The following LIPE variants were observed in gnomAD, a reference collection of about 807,000 sequenced individuals.
LIPE encodes lipase E, hormone sensitive type, also known as hormone-sensitive lipase.
A neutral mutation model predicts 88.5 loss-of-function variants in LIPE; 66 were observed. That is an observed-to-expected ratio of 0.75 (90% CI 0.61 to 0.91). The LOEUF (loss-of-function observed/expected upper bound fraction) is 0.91. Ranked by LOEUF, LIPE falls within the 40% of genes least tolerant of loss-of-function variation. The probability of loss-of-function intolerance (pLI) is 0.00; values close to 1 mark genes in which losing one functional copy is unlikely to be tolerated. For missense variants in LIPE, 1,346 were observed against 1,434.7 expected, an observed-to-expected ratio of 0.94 and a Z score of 1.00; for synonymous variants, 570 against 617.5, an observed-to-expected ratio of 0.92 and a Z score of 1.14.
chr19:42,406,391 G>A lies in LIPE; in HGVS notation c.2138-3C>T, dbSNP rs1467909494. The stretch of plus-strand genomic sequence containing the variant: ...GCAGATTCGTTCCCCTGTTGAGCCT[G>A]GTTTGGGAGAGGGGTGGTTGGTGAC... On this transcript the variant is annotated splice_polypyrimidine_tract_variant and splice_region_variant and intron_variant, in intron 6 of 9. Coordinates refer to ENST00000244289, the MANE Select transcript of LIPE (RefSeq NM_005357.4). The surrounding 1 kb of genome is among the most constrained non-coding windows in gnomAD (Gnocchi z 5.7). 8 of 1,609,806 alleles carry A rather than the reference G, an allele frequency of 5.0e-6. No individual in the cohort carries two copies. The African/African-American group carries it at 1.1e-4, about 22-fold the overall frequency.
intron 1 of LIPE, among the ~76,000 whole-genome samples, chr19:42,418,014 C>T (rs1261006521): frequency 6.6e-6 from 1 of 150,604 alleles, no homozygotes; most frequent in Non-Finnish European, 1.5e-5. Flanking sequence ...ACAAGTTTCG[C>T]TCTTGTTGCC....
rs1374931995 is a variant in LIPE, at chr19:42,409,772, C to A, written c.1419+535G>T. Among the ~76,000 whole-genome samples the A allele has an allele frequency of 7.9e-5, 12 of 152,254 alleles. No homozygotes were observed. In the East Asian group the frequency reaches 2.1e-3, roughly 27 times the overall value. ...TGGGACACAGGGAGGAGCTGGCTGG[C>A]CCAGCTGGGCTGATCAATACTTGTG... is the stretch of plus-strand genomic sequence containing the variant. On this transcript the variant is annotated intron_variant, in intron 2 of 9. Coordinates refer to ENST00000244289, the MANE Select transcript of LIPE (RefSeq NM_005357.4).
At chr19:42,402,224 A>C in intron 9 of LIPE, 149 bp from the exon 10 acceptor site, 3 of 722,604 alleles carry the variant, frequency 4.2e-6, no homozygotes, top group Non-Finnish European at 6.3e-6. Context: ...GTGGGTGAGG[A>C]GTTGGGGAGA....
rs1225876839 is a variant in LIPE at position 42,408,376 on chromosome 19, G to T, written c.1420-54C>A. 9.7e-6 allele frequency: 14 copies of T among 1,448,208 alleles called. No individual in the cohort carries two copies. The South Asian group carries it at 1.6e-4, about 17-fold the overall frequency. The allele number at this position is 1,448,208 out of a possible 1,614,324, so 89.7% of individuals were successfully genotyped here. On this transcript the variant is annotated intron_variant, in intron 2 of 9. Coordinates refer to ENST00000244289, the MANE Select transcript of LIPE (RefSeq NM_005357.4). This position sits in a 1 kb window ranked among gnomAD's most constrained non-coding sequence, Gnocchi z 4.3. ...CCGCTCAAGAGAGGGATGGGGACAG[G>T]GCAGGAGCGAGGCACAGGGATGTGC...
intron 9 of LIPE, 88 bp downstream of exon 9, chr19:42,402,519 C>G (rs1600100212): frequency 8.1e-7 from 1 of 1,240,186 alleles, no homozygotes; most frequent in East Asian, 2.7e-5. Context: ...AGCTCTTTTT[C>G]CCAGGTGTAC....
Position 42,407,537 on chromosome 19 carries a change from G to A in LIPE, c.1842+69C>T. On this transcript the variant is annotated intron_variant, in intron 5 of 9. Coordinates refer to ENST00000244289, the MANE Select transcript of LIPE (RefSeq NM_005357.4). The surrounding 1 kb of genome is among the most constrained non-coding windows in gnomAD (Gnocchi z 5.8). ...GGCCAGGGCTGCACCCCTCCATGGG[G>A]ATGCCAAGGTGGGGGCTGCCCACGC... is the stretch of plus-strand genomic sequence containing the variant. The A allele has an allele frequency of 6.3e-7, 1 of 1,576,186 alleles. No individual in the cohort carries two copies. The highest frequency in any genetic ancestry group is 8.6e-7 in the Non-Finnish European group (1 of 1,157,328).
At position 42,414,880 on chromosome 19, in the gene LIPE, C is replaced by A. The variant is rs1315949858; in HGVS notation, c.884-4038G>T. On this transcript the variant is annotated intron_variant, in intron 1 of 9. Coordinates refer to ENST00000244289, the MANE Select transcript of LIPE (RefSeq NM_005357.4). This position sits in a 1 kb window ranked among gnomAD's most constrained non-coding sequence, Gnocchi z 4.6. ...ATTAATGCTGTGTGTGTTCTGACTGCTCCACTGACCAGCCATTTCCCCCAT... is the reference window on the plus strand; with the variant it reads ...ATTAATGCTGTGTGTGTTCTGACTGATCCACTGACCAGCCATTTCCCCCAT... 2.6e-5 allele frequency among the ~76,000 whole-genome samples: 4 copies of A among 152,232 alleles called. No homozygotes were observed. Among genetic ancestry groups the A allele is most frequent in the Non-Finnish European group, 5.9e-5 (4 of 68,044 alleles).
chr19:42,417,862 A>T (rs1398618297), intron 1 of LIPE, among the ~76,000 whole-genome samples: 3 of 152,202 alleles, frequency 2.0e-5, no homozygotes, highest in African/African-American at 7.2e-5. Context: ...TCTACAAAAA[A>T]TAAATAAAAA....
intron 9 of LIPE, 70 bp from the exon 10 acceptor site, chr19:42,402,145 G>T (rs2039998003): frequency 7.3e-7 from 1 of 1,376,880 alleles, no homozygotes; most frequent in South Asian, 1.6e-5. Flanking sequence ...GTAGAGCGAG[G>T]AGGGGTTTGA....
At chr19:42,423,549 G>A in intron 1 of LIPE, 4 of 1,241,482 alleles carry the variant, frequency 3.2e-6, no homozygotes, top group Non-Finnish European at 4.1e-6. Context: ...ATTCCCCGCG[G>A]TCCTCCCGCG....
At position 42,408,320 on chromosome 19, in the gene LIPE, G is replaced by T. The variant is rs779464089; in HGVS notation, c.1422C>A (p.Phe474Leu). 3 of 1,613,836 alleles carry T rather than the reference G, an allele frequency of 1.9e-6. No individual in the cohort carries two copies. In the East Asian group the frequency reaches 6.7e-5, roughly 36 times the overall value. The change falls in exon 3 of 10, where the codon TTC (phenylalanine) becomes TTA (leucine). Residue 474 changes from phenylalanine to leucine, a missense_variant and splice_region_variant. By Grantham distance (22) the Phe-to-Leu change is conservative (BLOSUM62 0). Coordinates refer to ENST00000244289, the MANE Select transcript of LIPE (RefSeq NM_005357.4). This position sits in a 1 kb window ranked among gnomAD's most constrained non-coding sequence, Gnocchi z 4.3. ...GCAGGAATGGCCGGATGGCAGGCGT[G>T]AACTGTGGAGAGACGCGGCTGCGTC... Reference protein sequence around the residue: ...CFYGRCLGFQFTPAIRPFLQT... With the variant: ...CFYGRCLGFQLTPAIRPFLQT...
Position 42,401,666 on chromosome 19 carries a change from C to T in LIPE, c.*146G>A, listed in dbSNP as rs1322486538. On this transcript the variant is annotated 3_prime_UTR_variant, in exon 10 of 10. Coordinates refer to ENST00000244289, the MANE Select transcript of LIPE (RefSeq NM_005357.4). Reference sequence around the variant, plus strand: ...GTGACCGGTGTGTGTGCGCGTCCCCCTCCCCGTGGCGAGGGTCTCAGCTTT... The same window carrying T: ...GTGACCGGTGTGTGTGCGCGTCCCCTTCCCCGTGGCGAGGGTCTCAGCTTT... The T allele has an allele frequency of 1.6e-6, 1 of 607,372 alleles. No homozygotes were observed. The highest frequency in any genetic ancestry group is 2.0e-5 in the African/African-American group (1 of 50,536). 37.6% of individuals were successfully genotyped at this position (607,372 alleles called of 1,614,324 possible). A position where few individuals can be genotyped will look rare whatever the true frequency, so the allele number is the denominator to read the frequency against.
chr19:42,417,509 C>T (rs910836004), intron 1 of LIPE, among the ~76,000 whole-genome samples: 2 of 152,070 alleles, frequency 1.3e-5, no homozygotes, highest in Non-Finnish European at 2.9e-5. Flanking sequence ...AAGAGATCCT[C>T]CTGCCTTGGC....
intron 8 of LIPE, among the ~76,000 whole-genome samples, chr19:42,404,103 T>C (rs1290909620): frequency 6.6e-6 from 1 of 150,866 alleles, no homozygotes; most frequent in Non-Finnish European, 1.5e-5. Context: ...CTTGCTCTGT[T>C]GCCCAGGCTG....
At position 42,406,324 on chromosome 19, in the gene LIPE, C is replaced by T. The variant is rs749980797; in HGVS notation, c.2202G>A (p.Val734=). 2.5e-6 allele frequency: 4 copies of T among 1,614,166 alleles called. No individual in the cohort carries two copies. In the South Asian group the frequency reaches 3.3e-5, roughly 13 times the overall value. Residue 734 remains valine (V), a synonymous_variant, in exon 7 of 10, where the codon GTG becomes GTA. Coordinates refer to ENST00000244289, the MANE Select transcript of LIPE (RefSeq NM_005357.4). This position sits in a 1 kb window ranked among gnomAD's most constrained non-coding sequence, Gnocchi z 5.7. ...DSAGGNLCFT[V]ALRAAAYGVR... is the part of the protein sequence containing the mutation. ...CCCCGTAGGCTGCTGCCCGAAGAGC[C>T]ACGGTGAAGCAGAGGTTCCCGCCTG...
At position 42,401,834 on chromosome 19, in the gene LIPE, C is replaced by T; in HGVS notation, c.3209G>A (p.Gly1070Glu). 6 of 1,497,010 alleles carry T rather than the reference C, an allele frequency of 4.0e-6. No homozygotes were observed. The highest frequency in any genetic ancestry group is 5.3e-6 in the Non-Finnish European group (6 of 1,126,336). 92.7% of individuals were successfully genotyped at this position (1,497,010 alleles called of 1,614,324 possible). ...CTTTTAGTGTCGCCCCCCGCAGCCC[C>T]CGTCTACCCCCGCAGCCCCCGTCTC... ...SGETGAAGVD[G>E]GCGGRH is the part of the protein sequence containing the mutation. The change falls in exon 10 of 10, where the codon GGG becomes GAG. Residue 1070 changes from glycine (G) to glutamate (E), a missense_variant. Coordinates refer to ENST00000244289, the MANE Select transcript of LIPE (RefSeq NM_005357.4).
chr19:42,423,260 T>G, intron 1 of LIPE: 1 of 421,946 alleles, frequency 2.4e-6, no homozygotes. Flanking sequence ...CATCACCCCC[T>G]TCTCACAATG....
At position 42,414,846 on chromosome 19, in the gene LIPE, A is replaced by C. The variant is rs145166842; in HGVS notation, c.884-4004T>G. On this transcript the variant is annotated intron_variant, in intron 1 of 9. Coordinates refer to ENST00000244289, the MANE Select transcript of LIPE (RefSeq NM_005357.4). The surrounding 1 kb of genome is among the most constrained non-coding windows in gnomAD (Gnocchi z 4.6). The stretch of plus-strand genomic sequence containing the variant: ...CAACCATGTCCACGTAAGAGGGCGA[A>C]CTTTACCGATTAATGCTGTGTGTGT... Among the ~76,000 whole-genome samples the C allele has an allele frequency of 1.1e-3, 163 of 152,332 alleles. No individual in the cohort carries two copies. Among genetic ancestry groups the C allele is most frequent in the Admixed American group, 2.5e-3 (39 of 15,300 alleles).
In LIPE at chr19:42,427,332, T is replaced by G; in HGVS notation, c.-183A>C. ...CAGCTGGCAGTTGGCCGATCACAGC[T>G]GGCCCCCACTAAGTAATGAACTCTG... On this transcript the variant is annotated 5_prime_UTR_variant, in exon 1 of 10. Coordinates refer to ENST00000244289, the MANE Select transcript of LIPE (RefSeq NM_005357.4). 8.7e-7 allele frequency: 1 copy of G among 1,152,340 alleles called. No individual in the cohort carries two copies. The highest frequency in any genetic ancestry group is 1.2e-6 in the Non-Finnish European group (1 of 858,268). The allele number at this position is 1,152,340 out of a possible 1,614,324, so 71.4% of individuals were successfully genotyped here. A position where few individuals can be genotyped will look rare whatever the true frequency, so the allele number is the denominator to read the frequency against.
Sources: gnomAD v4.1 joint callset for allele counts (sites outside exome capture counted in the v4.1 genomes callset) on GRCh38, gnomAD v4.1.1 for gene constraint, Gnocchi (gnomAD v3.1) non-coding constraint, MANE v1.5 for transcripts, NCBI Gene and HGNC (gene_info 2026-07-23, HGNC 2026-07-21) for gene names.